PPIA: variants seen among roughly 807,000 people sequenced by gnomAD.
The protein encoded by PPIA is peptidylprolyl isomerase A.
Under a neutral mutation model 15.3 loss-of-function variants are expected in PPIA, and 2 were observed. The ratio of observed to expected loss-of-function variants is 0.13; its 90% CI spans 0.05 to 0.41. PPIA has a LOEUF of 0.41. PPIA is among the 10% of genes least tolerant of loss of function. The pLI, the probability that PPIA is intolerant of heterozygous loss-of-function variation, is 0.99. For synonymous variants in PPIA, 67 were observed against 73.1 expected (o/e 0.92, Z 0.43); for missense variants, 103 against 210.3 (o/e 0.49, Z 3.16).
chr7:44,799,293 A>G lies in PPIA; in HGVS notation c.100+16A>G, dbSNP rs758285225. ...AAGACAGCAGGTTGGTCCATTTTCTAAGTTTAACAAAGATGTTCCAATTGT... is the reference window on the plus strand; with the variant it reads ...AAGACAGCAGGTTGGTCCATTTTCTGAGTTTAACAAAGATGTTCCAATTGT... On this transcript the variant is annotated intron_variant, in intron 2 of 4. Transcript: ENST00000468812. 2.5e-6 allele frequency: 4 copies of G among 1,613,366 alleles called. No homozygotes were observed. The highest frequency in any genetic ancestry group is 1.1e-5 in the South Asian group (1 of 90,978).
chr7:44,797,446 T>C (rs1792409955), intron 1 of PPIA, among the ~76,000 whole-genome samples: 1 of 152,110 alleles, frequency 6.6e-6, no homozygotes, highest in South Asian at 2.1e-4. Context: ...TCCCTCCGTG[T>C]CCCCCACCCC....
chr7:44,800,731 A>G (rs929382672), intron 4 of PPIA, among the ~76,000 whole-genome samples: 1 of 152,034 alleles, frequency 6.6e-6, no homozygotes, highest in African/African-American at 2.4e-5. Context: ...TACTATTAAT[A>G]ACATGCGGTT....
At chr7:44,800,621 A>C (rs1286546965) in intron 4 of PPIA, 1 of 150,940 alleles carries the variant, frequency 6.6e-6, no homozygotes, top group Non-Finnish European at 1.5e-5. Flanking sequence ...CTGGTCTCGA[A>C]CTCCTGGGCT....
rs1016183688 is a variant in PPIA at position 44,802,390 on chromosome 7, G to T, written c.*968G>T. ...TCTCAAACTCTTGACCTCAGCTGAT[G>T]CGCCTGCCTTGGCCTCCCAAACTGC... On this transcript the variant is annotated 3_prime_UTR_variant, in exon 5 of 5. Transcript: ENST00000468812. The T allele has an allele frequency of 1.3e-5, 2 of 152,008 alleles. No individual in the cohort carries two copies. The highest frequency in any genetic ancestry group is 4.8e-5 in the African/African-American group (2 of 41,368). 9.4% of individuals were successfully genotyped at this position (152,008 alleles called of 1,614,324 possible).
chr7:44,796,764 G>A lies in PPIA; in HGVS notation c.40G>A (p.Gly14Ser), dbSNP rs776812451. Residue 14 changes from glycine to serine, a missense_variant, in exon 1 of 5, where the codon GGC (glycine) becomes AGC (serine). Coordinates refer to ENST00000468812, the MANE Select transcript of PPIA (RefSeq NM_021130.5). The stretch of plus-strand genomic sequence containing the variant: ...CGTGTTCTTCGACATTGCCGTCGAC[G>A]GCGAGCCCTTGGGCCGCGTCTCCTT... ...PTVFFDIAVD[G>S]EPLGRVSFEL... 1 of 1,610,060 alleles carries A rather than the reference G, an allele frequency of 6.2e-7. No homozygotes were observed. The highest frequency in any genetic ancestry group is 8.5e-7 in the Non-Finnish European group (1 of 1,178,794).
chr7:44,797,382 T>C (rs1160613560), intron 1 of PPIA, among the ~76,000 whole-genome samples: 1 of 152,226 alleles, frequency 6.6e-6, no homozygotes, highest in Non-Finnish European at 1.5e-5. Flanking sequence ...GGTTGCCACT[T>C]GAAATATCTT....
At chr7:44,801,186 TAA>T (rs36119683) in intron 4 of PPIA, 99 bp from the exon 5 acceptor site, 73,577 of 1,053,878 alleles carry the variant, frequency 0.07, 22 homozygotes, top group East Asian at 0.26. Context: ...AGGCTTCAGT[TAA>T]AAAAAAAAAA....
Position 44,801,065 on chromosome 7 carries a change from C to T in PPIA, c.363-222C>T, listed in dbSNP as rs188184007. On this transcript the variant is annotated intron_variant, in intron 4 of 4. Coordinates refer to ENST00000468812, the MANE Select transcript of PPIA (RefSeq NM_021130.5). The stretch of plus-strand genomic sequence containing the variant: ...ATCTCCTGACCTCGTGATCCGCCCG[C>T]CTTGGCCTCCCAAAGTGCTGGGATT... 5.8e-3 allele frequency among the ~76,000 whole-genome samples: 884 copies of T among 152,246 alleles called. 5 individuals carry two copies. Among genetic ancestry groups the T allele is most frequent in the Middle Eastern group, 0.014 (4 of 294 alleles).
rs756986980 is a variant in PPIA at position 44,799,253 on chromosome 7, G to A, written c.76G>A (p.Ala26Thr). ...PLGRVSFELF[A>T]DKVPKTAENF... ...CTGTAATTTTCTCTTACAGCTGTTT[G>A]CAGACAAGGTCCCAAAGACAGCAGG... Residue 26 changes from alanine (A) to threonine (T), a missense_variant, in exon 2 of 5, where the codon GCA becomes ACA. Coordinates refer to ENST00000468812, the MANE Select transcript of PPIA (RefSeq NM_021130.5). The A allele has an allele frequency of 6.2e-7, 1 of 1,613,662 alleles. No homozygotes were observed. Among genetic ancestry groups the A allele is most frequent in the South Asian group, 1.1e-5 (1 of 90,904 alleles).
intron 4 of PPIA, among the ~76,000 whole-genome samples, chr7:44,800,189 A>G (rs757319703): frequency 3.3e-5 from 5 of 152,050 alleles, no homozygotes; most frequent in African/African-American, 2.4e-5. Context: ...CCTGGGTTCA[A>G]GCGATTCTCC....
At chr7:44,797,723 CAAAGTTAAAT>C (rs1440193677) in intron 1 of PPIA, among the ~76,000 whole-genome samples, 1 of 152,130 alleles carries the variant, frequency 6.6e-6, no homozygotes, top group Non-Finnish European at 1.5e-5. Flanking sequence ...CGCGTGTCTT[CAAAGTTAAAT>C]ATTGAGTACG....
At chr7:44,796,824 G>A (rs758467485) in intron 1 of PPIA, 31 bp downstream of exon 1, 1 of 1,590,832 alleles carries the variant, frequency 6.3e-7, no homozygotes, top group Non-Finnish European at 8.6e-7. Context: ...CGGGAATGGG[G>A]CCCAGAAAGT....
chr7:44,801,293 T>TG lies in PPIA; in HGVS notation c.371dup (p.Lys125GlnfsTer36). The stretch of plus-strand genomic sequence containing the variant: ...ATTGTTCTTCCTTTTCAAGGTTGGA[T>TG]GGCAAGCATGTGGTGTTTGGCAAAG... On this transcript the variant is annotated frameshift_variant, in exon 5 of 5. Transcript: ENST00000468812. LOFTEE classifies it high-confidence loss of function. 6.2e-7 allele frequency: 1 copy of TG among 1,613,154 alleles called. No homozygotes were observed. Among genetic ancestry groups the TG allele is most frequent in the Non-Finnish European group, 8.5e-7 (1 of 1,179,590 alleles).
At position 44,802,935 on chromosome 7, in the gene PPIA, G is replaced by C. The variant is rs1178537473; in HGVS notation, c.*1513G>C. On this transcript the variant is annotated 3_prime_UTR_variant, in exon 5 of 5. Coordinates refer to ENST00000468812, the MANE Select transcript of PPIA (RefSeq NM_021130.5). ...GGCGGATTTGATCATTTGGTGTGTT[G>C]GGCAATTTTTGTTTTACTGTCTGGT... is the stretch of plus-strand genomic sequence containing the variant. 6.6e-6 allele frequency: 1 copy of C among 152,094 alleles called. No individual in the cohort carries two copies. Among genetic ancestry groups the C allele is most frequent in the African/African-American group, 2.4e-5 (1 of 41,408 alleles). The allele number at this position is 152,094 out of a possible 1,614,324, so 9.4% of individuals were successfully genotyped here.
intron 3 of PPIA, 88 bp downstream of exon 3, chr7:44,799,568 C>T (rs1288429349): frequency 1.3e-6 from 2 of 1,566,794 alleles, no homozygotes; most frequent in African/African-American, 1.4e-5. Flanking sequence ...CATATCTGAA[C>T]TGTTACTCTA....
Position 44,799,002 on chromosome 7 carries a change from TC to T in PPIA, c.70-244del, listed in dbSNP as rs1481098859. ...GATGTACTAAAAGTTTGAGACACTT[TC>T]TAGAAGTCTCACTATTTAAGTTATG... On this transcript the variant is annotated intron_variant, in intron 1 of 4. Coordinates refer to ENST00000468812, the MANE Select transcript of PPIA (RefSeq NM_021130.5). 3.4e-6 allele frequency: 4 copies of T among 1,165,534 alleles called. No homozygotes were observed. In the African/African-American group the frequency reaches 6.4e-5, roughly 19 times the overall value. 72.2% of individuals were successfully genotyped at this position (1,165,534 alleles called of 1,614,324 possible).
intron 4 of PPIA, among the ~76,000 whole-genome samples, chr7:44,800,766 G>A (rs1039681396): frequency 6.6e-6 from 1 of 151,636 alleles, no homozygotes; most frequent in Non-Finnish European, 1.5e-5. Context: ...TTTCTTTGGG[G>A]TTTTTGTTTT....
intron 3 of PPIA, 92 bp downstream of exon 3, chr7:44,799,572 T>TA: frequency 6.4e-7 from 1 of 1,569,952 alleles, no homozygotes; most frequent in Non-Finnish European, 8.7e-7. Context: ...TCTGAACTGT[T>TA]ACTCTACCAT....
intron 4 of PPIA, chr7:44,800,662 AG>A (rs1429733827): frequency 6.5e-6 from 1 of 153,682 alleles, no homozygotes; most frequent in African/African-American, 2.4e-5. Flanking sequence ...ACCCCCCCAA[AG>A]TGCTGGGATT....
Sources: allele counts gnomAD v4.1 joint callset (sites outside exome capture counted in the v4.1 genomes callset), GRCh38; gene constraint gnomAD v4.1.1; transcripts MANE v1.5; gene names NCBI Gene and HGNC (gene_info 2026-07-23, HGNC 2026-07-21).